The following ZNF385D variants were observed in gnomAD, a reference collection of about 807,000 sequenced individuals.
The protein encoded by ZNF385D is zinc finger protein 659.
Under a neutral mutation model 35.8 loss-of-function variants are expected in ZNF385D, and 15 were observed. The observed-to-expected ratio is 0.42, with a 90% CI of 0.28 to 0.64. The LOEUF (loss-of-function observed/expected upper bound fraction) is 0.64, where lower values mean the gene tolerates loss of function less well. Among genes scored for constraint, ZNF385D ranks in the 30% least tolerant of loss-of-function variants. The pLI is 0.23. For missense variants in ZNF385D, 474 were observed against 494.6 expected, an observed-to-expected ratio of 0.96 and a Z score of 0.39; for synonymous variants, 212 against 186.8, an observed-to-expected ratio of 1.13 and a Z score of -1.10.
chr3:21,461,981 T>C (rs1235121090), intron 4 of ZNF385D, among the ~76,000 whole-genome samples: 2 of 152,246 alleles, frequency 1.3e-5, no homozygotes, highest in Admixed American at 6.5e-5. Flanking sequence ...TAAAAGTATA[T>C]AGCTAATATA....
intron 2 of ZNF385D, among the ~76,000 whole-genome samples, chr3:22,192,448 A>G (rs1471586751): frequency 6.6e-6 from 1 of 152,098 alleles, no homozygotes; most frequent in Non-Finnish European, 1.5e-5. Flanking sequence ...AACCAATAGC[A>G]CACATTGCAA....
intron 3 of ZNF385D, among the ~76,000 whole-genome samples, chr3:21,821,802 T>A (rs761063288): frequency 1.8e-4 from 28 of 151,568 alleles, no homozygotes; most frequent in Admixed American, 3.9e-4. Flanking sequence ...CTCTACAAAA[T>A]TTTTTTTAAA....
At chr3:22,304,482 A>G (rs1267738209) in intron 2 of ZNF385D, among the ~76,000 whole-genome samples, 1 of 152,178 alleles carries the variant, frequency 6.6e-6, no homozygotes, top group East Asian at 1.9e-4. Context: ...TACGTGTTAC[A>G]CATTTTAAAA....
chr3:22,202,286 T>C (rs1420427390), intron 2 of ZNF385D, among the ~76,000 whole-genome samples: 8 of 152,076 alleles, frequency 5.3e-5, no homozygotes. Flanking sequence ...TTGTAAAAGG[T>C]CTTTGGAAGA....
intron 3 of ZNF385D, among the ~76,000 whole-genome samples, chr3:21,817,047 G>C (rs10780152): frequency 6.6e-6 from 1 of 152,150 alleles, no homozygotes; most frequent in Non-Finnish European, 1.5e-5. Context: ...ATAACCATCT[G>C]ATCTTTGACA....
At chr3:21,603,539 AAAT>A (rs1451741740) in intron 2 of ZNF385D, among the ~76,000 whole-genome samples, 2 of 152,214 alleles carry the variant, frequency 1.3e-5, no homozygotes, top group African/African-American at 2.4e-5. Context: ...ATTTGTAAAA[AAAT>A]AATGAGCTAG....
At chr3:22,163,013 G>C (rs576304373) in intron 3 of ZNF385D, among the ~76,000 whole-genome samples, 7 of 151,326 alleles carry the variant, frequency 4.6e-5, no homozygotes, top group African/African-American at 1.7e-4. Flanking sequence ...AATTGAAACA[G>C]AGACATCAGC....
intron 2 of ZNF385D, among the ~76,000 whole-genome samples, chr3:22,197,381 C>G (rs1486936897): frequency 1.3e-5 from 2 of 151,972 alleles, no homozygotes; most frequent in Non-Finnish European, 2.9e-5. Flanking sequence ...ATATCTGTTT[C>G]CTACCCATGA....
At chr3:21,488,307 G>A (rs1211262388) in intron 4 of ZNF385D, among the ~76,000 whole-genome samples, 2 of 148,784 alleles carry the variant, frequency 1.3e-5, no homozygotes, top group South Asian at 2.1e-4. Context: ...GCATGCCAGG[G>A]TTTTAAATTG....
chr3:22,043,208 G>A (rs892448757), intron 3 of ZNF385D, among the ~76,000 whole-genome samples: 43 of 152,158 alleles, frequency 2.8e-4, no homozygotes, highest in African/African-American at 9.6e-4. Flanking sequence ...TATCAATGAT[G>A]TAATCATGGC....
At chr3:22,339,678 C>T (rs1394159810) in intron 2 of ZNF385D, among the ~76,000 whole-genome samples, 1 of 152,144 alleles carries the variant, frequency 6.6e-6, no homozygotes, top group Non-Finnish European at 1.5e-5. Context: ...TTTAGTTTCC[C>T]AAATTTCTGA....
chr3:21,693,364 G>T lies in ZNF385D; in HGVS notation c.23-28336C>A, dbSNP rs140245866. 4.0e-3 allele frequency among the ~76,000 whole-genome samples: 605 copies of T among 151,630 alleles called. 6 individuals carry two copies. The highest frequency in any genetic ancestry group is 0.014 in the African/African-American group (581 of 41,404). ...GTTGCCCATATCAGTGATCATCTTGGGGGCATACCTTTGCTTCCCTCTTGT... is the reference window on the plus strand; with the variant it reads ...GTTGCCCATATCAGTGATCATCTTGTGGGCATACCTTTGCTTCCCTCTTGT... On this transcript the variant is annotated intron_variant, in intron 1 of 7. Coordinates refer to ENST00000281523, the MANE Select transcript of ZNF385D (RefSeq NM_024697.3).
At chr3:21,477,007 T>C (rs908165471) in intron 4 of ZNF385D, among the ~76,000 whole-genome samples, 3 of 152,174 alleles carry the variant, frequency 2.0e-5, no homozygotes, top group African/African-American at 7.2e-5. Context: ...AAGGTTCTTC[T>C]AAGACCTTCC....
rs138578022 is a variant in ZNF385D at position 22,002,461 on chromosome 3, T to C, written c.325+166356A>G. 2.0e-4 allele frequency among the ~76,000 whole-genome samples: 30 copies of C among 152,218 alleles called. No individual in the cohort carries two copies. The East Asian group carries it at 4.6e-3, about 23-fold the overall frequency. ...AAAAGTCTTCCAGAAAAGAAAATCC[T>C]AGGACTTAACAGCTTTACCACTGAA... On this transcript the variant is annotated intron_variant, in intron 3 of 5. Transcript: ENST00000494108.
chr3:21,964,426 A>G (rs1457136411), intron 3 of ZNF385D, among the ~76,000 whole-genome samples: 4 of 91,318 alleles, frequency 4.4e-5, no homozygotes, highest in South Asian at 4.1e-4. Context: ...AAAAAAAAAA[A>G]AAAAAAGAAA....
chr3:21,492,738 C>T (rs377157113), intron 4 of ZNF385D, among the ~76,000 whole-genome samples: 210 of 151,176 alleles, frequency 1.4e-3, no homozygotes, highest in African/African-American at 4.5e-3. Flanking sequence ...GAGCCAACAT[C>T]GTGCCACTGC....
chr3:21,639,097 G>A (rs982328180), intron 2 of ZNF385D, among the ~76,000 whole-genome samples: 1 of 151,852 alleles, frequency 6.6e-6, no homozygotes, highest in Non-Finnish European at 1.5e-5. Flanking sequence ...CAGAACCTAG[G>A]GAGCAACCAA....
chr3:22,020,693 T>C (rs1473005989), intron 3 of ZNF385D, among the ~76,000 whole-genome samples: 3 of 152,004 alleles, frequency 2.0e-5, no homozygotes, highest in East Asian at 1.9e-4. Flanking sequence ...CAAATTAGTA[T>C]AGCCTCTATG....
chr3:22,030,607 C>A (rs149056139), intron 3 of ZNF385D, among the ~76,000 whole-genome samples: 1 of 151,904 alleles, frequency 6.6e-6, no homozygotes, highest in African/African-American at 2.4e-5. Context: ...GTTCAAATCA[C>A]CTCCCACCAG....
Sources: allele counts gnomAD v4.1 joint callset (sites outside exome capture counted in the v4.1 genomes callset), GRCh38; gene constraint gnomAD v4.1.1; transcripts MANE v1.5; gene names NCBI Gene and HGNC (gene_info 2026-07-23, HGNC 2026-07-21).